Variants in EIF2AK2 observed in about 807,000 individuals in gnomAD.
EIF2AK2 encodes the protein eukaryotic translation initiation factor 2 alpha kinase 2.
EIF2AK2 carries 40 observed loss-of-function variants against 70.5 expected under a neutral mutation model. The observed-to-expected ratio is 0.57, with a 90% CI of 0.44 to 0.74. The LOEUF (loss-of-function observed/expected upper bound fraction) is 0.74. EIF2AK2 is among the 30% of genes least tolerant of loss of function. The probability of loss-of-function intolerance (pLI) is 0.00; values close to 1 mark genes in which losing one functional copy is unlikely to be tolerated. For synonymous variants in EIF2AK2, 198 were observed against 220.9 expected, an observed-to-expected ratio of 0.90 and a Z score of 0.92; for missense variants, 555 against 644.3, an observed-to-expected ratio of 0.86 and a Z score of 1.50.
intron 1 of EIF2AK2, among the ~76,000 whole-genome samples, chr2:37,154,886 C>A (rs1320077041): frequency 6.6e-6 from 1 of 152,020 alleles, no homozygotes; most frequent in African/African-American, 2.4e-5. Flanking sequence ...TTCTGACAAG[C>A]TACTCCTTTT....
chr2:37,131,860 C>T (rs186270924), intron 10 of EIF2AK2, among the ~76,000 whole-genome samples: 2 of 152,092 alleles, frequency 1.3e-5, no homozygotes, highest in African/African-American at 2.4e-5. Flanking sequence ...GAATTAGTTG[C>T]CCTAATGAAA....
intron 1 of EIF2AK2, among the ~76,000 whole-genome samples, chr2:37,151,804 C>T (rs1235743919): frequency 6.6e-6 from 1 of 152,236 alleles, no homozygotes. Context: ...ATAGGCCAGG[C>T]GCCGTGGCTC....
At chr2:37,156,651 G>A (rs1266820995) in intron 1 of EIF2AK2, among the ~76,000 whole-genome samples, 2 of 152,202 alleles carry the variant, frequency 1.3e-5, no homozygotes. Flanking sequence ...TCACGGGAAG[G>A]AAATGGCTTT....
chr2:37,143,329 C>T (rs1305838012), intron 4 of EIF2AK2, among the ~76,000 whole-genome samples: 1 of 151,578 alleles, frequency 6.6e-6, no homozygotes, highest in South Asian at 2.1e-4. Flanking sequence ...ATTTCATAAA[C>T]ATTGTCTGCT....
intron 14 of EIF2AK2, among the ~76,000 whole-genome samples, chr2:37,109,700 A>G (rs1674080339): frequency 6.6e-6 from 1 of 152,236 alleles, no homozygotes; most frequent in African/African-American, 2.4e-5. Flanking sequence ...ATGGATAAAC[A>G]TGTTGTGGCA....
At position 37,137,013 on chromosome 2, in the gene EIF2AK2, C is replaced by G; in HGVS notation, c.692G>C (p.Gly231Ala). ...SLNSSSLLMNGLRNNQRKAKR... is the reference protein window; with the variant it reads ...SLNSSSLLMNALRNNQRKAKR... ...TGCCTTCCTTTGATTATTTCTGAGACCATTCTATAACAAAAGAAAATGAGA... is the reference window on the plus strand; with the variant it reads ...TGCCTTCCTTTGATTATTTCTGAGAGCATTCTATAACAAAAGAAAATGAGA... Residue 231 changes from glycine to alanine, a missense_variant, in exon 9 of 17, where the codon GGT becomes GCT. Gly to Ala is a moderately conservative substitution (Grantham distance 60). Coordinates refer to ENST00000233057, the MANE Select transcript of EIF2AK2 (RefSeq NM_001135651.3). 1 of 1,603,620 alleles carries G rather than the reference C, an allele frequency of 6.2e-7. No homozygotes were observed.
chr2:37,136,813 T>G (rs894694714), intron 9 of EIF2AK2, 170 bp downstream of exon 9: 111 of 556,382 alleles, frequency 2.0e-4, no homozygotes, highest in Middle Eastern at 5.2e-4. Flanking sequence ...GTGCACATAG[T>G]CAAAGATTTC....
intron 11 of EIF2AK2, among the ~76,000 whole-genome samples, chr2:37,125,379 C>T (rs1674695294): frequency 6.6e-6 from 1 of 152,228 alleles, no homozygotes; most frequent in Admixed American, 6.5e-5. Flanking sequence ...TTTGGCCTCC[C>T]CTTGAATCTA....
rs1673966185 is a variant in EIF2AK2 at position 37,106,441 on chromosome 2, A to G, written c.*832T>C. The stretch of plus-strand genomic sequence containing the variant: ...GTTGTTCCCTGTTCTTTTGGCTATT[A>G]TAAACAGGGTTTTATGGACATTCTT... On this transcript the variant is annotated 3_prime_UTR_variant, in exon 17 of 17. Transcript: ENST00000233057. 6.6e-6 allele frequency: 1 copy of G among 152,044 alleles called. No homozygotes were observed. The highest frequency in any genetic ancestry group is 6.5e-5 in the Admixed American group (1 of 15,270). The allele number at this position is 152,044 out of a possible 1,614,324, so 9.4% of individuals were successfully genotyped here.
intron 1 of EIF2AK2, among the ~76,000 whole-genome samples, chr2:37,152,174 T>C (rs1416799963): frequency 6.6e-6 from 1 of 152,264 alleles, no homozygotes; most frequent in East Asian, 1.9e-4. Flanking sequence ...TTCCCATTTA[T>C]ATGAAACTTC....
At position 37,107,372 on chromosome 2, in the gene EIF2AK2, G is replaced by A. The variant is rs937398374; in HGVS notation, c.1557C>T (p.Leu519=). 1 of 1,613,726 alleles carries A rather than the reference G, an allele frequency of 6.2e-7. No individual in the cohort carries two copies. The highest frequency in any genetic ancestry group is 1.3e-5 in the African/African-American group (1 of 74,896). ...KKEKTLLQKL[L]SKKPEDRPNT... ...TAGGTCGATCCTCAGGTTTCTTTGAGAGTAATTTCTGTAGAAGAGTTTTCT... is the reference window on the plus strand; with the variant it reads ...TAGGTCGATCCTCAGGTTTCTTTGAAAGTAATTTCTGTAGAAGAGTTTTCT... The change falls in exon 17 of 17, where the codon CTC becomes CTT. Residue 519 remains leucine (L), a synonymous_variant. Transcript: ENST00000233057.
At chr2:37,135,116 G>C (rs1223774584) in intron 10 of EIF2AK2, among the ~76,000 whole-genome samples, 3 of 152,174 alleles carry the variant, frequency 2.0e-5, no homozygotes, top group Admixed American at 2.0e-4. Flanking sequence ...AACAGATGGG[G>C]ACTAGATCTA....
intron 1 of EIF2AK2, among the ~76,000 whole-genome samples, chr2:37,150,712 T>C (rs1675712564): frequency 6.6e-6 from 1 of 152,212 alleles, no homozygotes; most frequent in South Asian, 2.1e-4. Flanking sequence ...TATATTTCTC[T>C]TCTCCCCACG....
At chr2:37,154,438 C>G (rs867610721) in intron 1 of EIF2AK2, among the ~76,000 whole-genome samples, 1 of 152,202 alleles carries the variant, frequency 6.6e-6, no homozygotes, top group Non-Finnish European at 1.5e-5. Context: ...TTCCCTATCA[C>G]TAAATCCAGT....
At chr2:37,127,937 T>C (rs59207636) in intron 10 of EIF2AK2, among the ~76,000 whole-genome samples, 52,429 of 151,884 alleles carry the variant, frequency 0.35, 9,339 homozygotes, top group East Asian at 0.58. Context: ...AGATGGGGTT[T>C]CACCATGTTG....
rs200529865 is a variant in EIF2AK2 at position 37,140,699 on chromosome 2, CT to C, written c.389+853del. Among the ~76,000 whole-genome samples the C allele has an allele frequency of 1.2e-4, 19 of 152,070 alleles. No homozygotes were observed. In the East Asian group the frequency reaches 3.1e-3, roughly 25 times the overall value. On this transcript the variant is annotated intron_variant, in intron 5 of 16. Coordinates refer to ENST00000233057, the MANE Select transcript of EIF2AK2 (RefSeq NM_001135651.3). ...TGAGCTACAGAAAATAAAATCATCT[CT>C]TAATTATTGAGATTGACTCACAGAT...
intron 1 of EIF2AK2, among the ~76,000 whole-genome samples, chr2:37,155,650 C>T (rs942320836): frequency 1.3e-5 from 2 of 152,164 alleles, no homozygotes; most frequent in African/African-American, 4.8e-5. Context: ...AAGAAACCTC[C>T]ATCATAATCA....
At chr2:37,137,715 GA>G (rs1192156828) in intron 8 of EIF2AK2, among the ~76,000 whole-genome samples, 2 of 152,160 alleles carry the variant, frequency 1.3e-5, no homozygotes, top group Non-Finnish European at 2.9e-5. Flanking sequence ...TGGTAGGAGA[GA>G]AAAGCAAAAT....
intron 1 of EIF2AK2, 77 bp downstream of exon 1, chr2:37,156,831 T>A (rs900992897): frequency 6.4e-6 from 1 of 155,492 alleles, no homozygotes; most frequent in African/African-American, 2.4e-5. Flanking sequence ...CCGCCCCGGC[T>A]GGGCCTGCAG....
Sources: allele counts gnomAD v4.1 joint callset (sites outside exome capture counted in the v4.1 genomes callset), GRCh38; gene constraint gnomAD v4.1.1; transcripts MANE v1.5; gene names NCBI Gene and HGNC (gene_info 2026-07-23, HGNC 2026-07-21).